Variants in BOP1 observed in about 807,000 individuals in gnomAD.
BOP1 encodes ribosome biogenesis protein BOP1.
In BOP1, 54 loss-of-function variants were observed where a neutral mutation model predicts 82.9. The ratio of observed to expected loss-of-function variants is 0.65; its 90% CI spans 0.52 to 0.82. The LOEUF is 0.82. BOP1 is among the 40% of genes least tolerant of loss of function. The probability of loss-of-function intolerance (pLI) is 0.00; values close to 1 mark genes in which losing one functional copy is unlikely to be tolerated. For synonymous variants in BOP1, 566 were observed against 451.1 expected (o/e 1.25, Z -3.23); for missense variants, 1,170 against 1,072.0 (o/e 1.09, Z -1.28).
intron 2 of BOP1, among the ~76,000 whole-genome samples, chr8:144,277,645 C>T (rs1423780892): frequency 6.6e-6 from 1 of 152,268 alleles, no homozygotes; most frequent in Non-Finnish European, 1.5e-5. Context: ...TGTGGACAGG[C>T]CACGGCACAG....
At chr8:144,264,180 G>A (rs1845303828) in intron 7 of BOP1, 38 bp from the exon 8 acceptor site, 10 of 1,609,060 alleles carry the variant, frequency 6.2e-6, no homozygotes, top group African/African-American at 2.7e-5. Flanking sequence ...GAGGGTCACA[G>A]GGAAGCATGG....
intron 14 of BOP1, 35 bp downstream of exon 14, chr8:144,262,553 C>A (rs1016809644): frequency 3.7e-6 from 6 of 1,612,540 alleles, no homozygotes; most frequent in South Asian, 1.1e-5. Flanking sequence ...AAGGGAGGGG[C>A]TCTGCTGGCC....
intron 3 of BOP1, chr8:144,268,462 A>G: frequency 1.9e-6 from 1 of 516,138 alleles, no homozygotes; most frequent in Non-Finnish European, 3.4e-6. Context: ...ATAATTAAAA[A>G]CAAAACAGTA....
chr8:144,271,315 GCCT>G (rs1248878841), intron 3 of BOP1, among the ~76,000 whole-genome samples: 1 of 151,830 alleles, frequency 6.6e-6, no homozygotes, highest in Non-Finnish European at 1.5e-5. Context: ...CCCGCTGCCC[GCCT>G]CCTCCCGTGT....
chr8:144,283,034 C>CAA (rs527621932), intron 2 of BOP1, among the ~76,000 whole-genome samples: 20 of 134,772 alleles, frequency 1.5e-4, no homozygotes, highest in South Asian at 9.5e-4. Context: ...ACTAAAAATA[C>CAA]AAAAAAAAAA....
intron 2 of BOP1, among the ~76,000 whole-genome samples, chr8:144,286,420 G>A (rs1478392763): frequency 1.0e-4 from 11 of 106,948 alleles, no homozygotes; most frequent in East Asian, 3.3e-4. Flanking sequence ...GCAGGGCCTC[G>A]GCCCCTCAGC....
chr8:144,276,280 C>G lies in BOP1; in HGVS notation c.334G>C (p.Glu112Gln). 1 of 1,613,654 alleles carries G rather than the reference C, an allele frequency of 6.2e-7. No homozygotes were observed. Among genetic ancestry groups the G allele is most frequent in the Non-Finnish European group, 8.5e-7 (1 of 1,179,832 alleles). Residue 112 changes from glutamate (E) to glutamine (Q), a missense_variant, in exon 3 of 16, where the codon GAG becomes CAG. By Grantham distance (29) the Glu-to-Gln change is conservative. Transcript: ENST00000569669. ...TCCCCAATCCGGGCGCTCGCCATCT[C>G]TGTCCTCGGGCAAGGAGTGCTGGCC... is the stretch of plus-strand genomic sequence containing the variant. ...VQASTPCPRT[E>Q]MASARIGDEY...
chr8:144,267,591 C>T (rs1564596558), intron 3 of BOP1, among the ~76,000 whole-genome samples: 2 of 152,388 alleles, frequency 1.3e-5, no homozygotes, highest in South Asian at 4.1e-4. Flanking sequence ...TTCTTAGCCC[C>T]TGCGGCCCAG....
At chr8:144,265,339 C>T (rs925150657) in intron 3 of BOP1, 23 of 575,442 alleles carry the variant, frequency 4.0e-5, no homozygotes, top group African/African-American at 3.7e-4. Context: ...CAGAGCTCCC[C>T]CCTCACTGGA....
At chr8:144,278,013 T>C (rs1554838495) in intron 2 of BOP1, among the ~76,000 whole-genome samples, 1 of 152,064 alleles carries the variant, frequency 6.6e-6, no homozygotes, top group South Asian at 2.1e-4. Context: ...CAGGACCCCC[T>C]CCCGCCACGC....
chr8:144,272,749 A>G (rs1845510894), intron 3 of BOP1, among the ~76,000 whole-genome samples: 1 of 151,952 alleles, frequency 6.6e-6, no homozygotes, highest in African/African-American at 2.4e-5. Flanking sequence ...GGGTACCCCC[A>G]TGAGGGCCCT....
Position 144,262,931 on chromosome 8 carries a change from G to A in BOP1, c.1816C>T (p.His606Tyr). Residue 606 changes from histidine (H) to tyrosine (Y), a missense_variant, in exon 13 of 16, where the codon CAC (histidine) becomes TAC (tyrosine). Transcript: ENST00000569669. ...VASQRSVRLY[H>Y]LLRQELTKKL... ...TTGGTGAGCTCCTGGCGCAGCAGGT[G>A]GTAGAGGCGGACGCTGCGCTGGGAC... 6.5e-7 allele frequency: 1 copy of A among 1,548,264 alleles called. No homozygotes were observed.
At chr8:144,288,887 G>C (rs1380824751) in intron 2 of BOP1, among the ~76,000 whole-genome samples, 1 of 152,234 alleles carries the variant, frequency 6.6e-6, no homozygotes, top group Admixed American at 6.5e-5. Flanking sequence ...CTAGGCATGT[G>C]GATTTTCAGA....
intron 2 of BOP1, among the ~76,000 whole-genome samples, chr8:144,286,577 C>T (rs897358564): frequency 7.0e-6 from 1 of 143,718 alleles, no homozygotes; most frequent in Non-Finnish European, 1.5e-5. Context: ...ACAGGACACG[C>T]GGGCAGATGC....
chr8:144,290,540 C>T (rs188347126), intron 1 of BOP1, among the ~76,000 whole-genome samples: 76 of 152,264 alleles, frequency 5.0e-4, no homozygotes, highest in African/African-American at 1.7e-3. Flanking sequence ...GGTATTCAGT[C>T]GGCTACACAA....
rs1398515194 is a variant in BOP1 at position 144,269,244 on chromosome 8, G to A, written c.391-4173C>T. On this transcript the variant is annotated intron_variant, in intron 3 of 15. Coordinates refer to ENST00000569669, the MANE Select transcript of BOP1 (RefSeq NM_015201.5). ...GTGGTGTGAGATCAGTGGGCACAGA[G>A]AGAAGAAGGGCGGTGCTGTGTGGAC... Among the ~76,000 whole-genome samples the A allele has an allele frequency of 2.0e-5, 3 of 152,378 alleles. No homozygotes were observed. In the East Asian group the frequency reaches 5.8e-4, roughly 29 times the overall value.
chr8:144,276,423 C>T, intron 2 of BOP1, 119 bp from the exon 3 acceptor site: 1 of 1,186,750 alleles, frequency 8.4e-7, no homozygotes, highest in Non-Finnish European at 1.2e-6. Context: ...TGGCACAGGC[C>T]TCAGCACAAG....
intron 3 of BOP1, among the ~76,000 whole-genome samples, chr8:144,269,810 C>T (rs1845462642): frequency 6.6e-6 from 1 of 152,202 alleles, no homozygotes; most frequent in African/African-American, 2.4e-5. Flanking sequence ...TGGGAGCTTT[C>T]CTCACACCCC....
At chr8:144,288,057 G>C (rs1157165640) in intron 2 of BOP1, among the ~76,000 whole-genome samples, 1 of 152,106 alleles carries the variant, frequency 6.6e-6, no homozygotes, top group Non-Finnish European at 1.5e-5. Flanking sequence ...CTTGAGGTCA[G>C]GAGTTCGAGA....
Sources: allele counts gnomAD v4.1 joint callset (sites outside exome capture counted in the v4.1 genomes callset), GRCh38; gene constraint gnomAD v4.1.1; transcripts MANE v1.5; gene names NCBI Gene and HGNC (gene_info 2026-07-23, HGNC 2026-07-21).